The following PRR16 variants were observed in gnomAD, a reference collection of about 807,000 sequenced individuals.
The protein encoded by PRR16 is protein Largen.
A neutral mutation model predicts 18.2 loss-of-function variants in PRR16; 6 were observed. The ratio of observed to expected loss-of-function variants is 0.33; its 90% CI spans 0.18 to 0.65. PRR16 has a LOEUF of 0.65. Ranked by LOEUF, PRR16 falls within the 30% of genes least tolerant of loss-of-function variation. The probability of loss-of-function intolerance (pLI) is 0.74; values close to 1 mark genes in which losing one functional copy is unlikely to be tolerated. For missense variants in PRR16, 412 were observed against 376.6 expected, an observed-to-expected ratio of 1.09 and a Z score of -0.78; for synonymous variants, 151 against 147.8, an observed-to-expected ratio of 1.02 and a Z score of -0.16.
At chr5:120,699,111 T>C in the PRR16 span, among the ~76,000 whole-genome samples, 3 of 151,720 alleles carry the variant, frequency 2.0e-5, no homozygotes, top group African/African-American at 7.3e-5. Flanking sequence ...CTGCCAGTCC[T>C]GGGTGGGGGC....
downstream of PRR16, among the ~76,000 whole-genome samples, chr5:120,691,222 C>T (rs1359558020): frequency 6.6e-6 from 1 of 152,136 alleles, no homozygotes; most frequent in Non-Finnish European, 1.5e-5. Flanking sequence ...TCCACAATAT[C>T]GCCACTTAAT....
chr5:120,563,012 C>T (rs1227357768), intron 1 of PRR16, among the ~76,000 whole-genome samples: 4 of 152,128 alleles, frequency 2.6e-5, no homozygotes, highest in South Asian at 2.1e-4. Flanking sequence ...TATTAACATC[C>T]CTTTCTTTTA....
chr5:120,555,362 C>T (rs543849561), intron 1 of PRR16, among the ~76,000 whole-genome samples: 6 of 151,948 alleles, frequency 3.9e-5, no homozygotes, highest in Non-Finnish European at 8.8e-5. Context: ...TAATATAAAC[C>T]GTGTGGCTTA....
intron 1 of PRR16, among the ~76,000 whole-genome samples, chr5:120,550,514 G>T (rs1426970093): frequency 1.3e-5 from 2 of 151,996 alleles, no homozygotes; most frequent in Non-Finnish European, 2.9e-5. Context: ...ATTGCCTCTT[G>T]TGTTGATTAA....
In PRR16 at chr5:120,470,532, G is replaced by A. The variant is rs113458505; in HGVS notation, c.159+5887G>A. ...TCTACTTTCTTGAATGATATAGATC[G>A]TAACTATTACACAGATTTGCTATAA... On this transcript the variant is annotated intron_variant, in intron 1 of 1. Transcript: ENST00000407149. Among the ~76,000 whole-genome samples, 351 of 152,028 alleles carry A rather than the reference G, an allele frequency of 2.3e-3. 1 individual carries two copies. The highest frequency in any genetic ancestry group is 7.5e-3 in the African/African-American group (312 of 41,462).
intron 1 of PRR16, among the ~76,000 whole-genome samples, chr5:120,673,125 A>T (rs1336251293): frequency 6.6e-6 from 1 of 152,258 alleles, no homozygotes; most frequent in East Asian, 1.9e-4. Context: ...TAAAAACCTC[A>T]TTTACTAAAA....
At chr5:120,603,715 C>T (rs1580776468) in intron 1 of PRR16, among the ~76,000 whole-genome samples, 1 of 152,122 alleles carries the variant, frequency 6.6e-6, no homozygotes, top group Middle Eastern at 3.4e-3. Context: ...TTCCTCATAA[C>T]ACTGCTTTAG....
the PRR16 span, among the ~76,000 whole-genome samples, chr5:120,765,059 T>TGCTGGAGGCACGTGATA: frequency 6.6e-6 from 1 of 152,040 alleles, no homozygotes; most frequent in Non-Finnish European, 1.5e-5. Context: ...TCCTCTGTCT[T>TGCTGGAGGCACGTGATA]TTGAAACCTG....
At chr5:120,551,257 T>A (rs1752245385) in intron 1 of PRR16, among the ~76,000 whole-genome samples, 1 of 152,030 alleles carries the variant, frequency 6.6e-6, no homozygotes, top group Non-Finnish European at 1.5e-5. Flanking sequence ...AATAAGATCA[T>A]GCTGTATTTG....
At chr5:120,693,667 T>C in the PRR16 span, among the ~76,000 whole-genome samples, 2 of 151,804 alleles carry the variant, frequency 1.3e-5, no homozygotes, top group Non-Finnish European at 2.9e-5. Flanking sequence ...AGGAAATTAC[T>C]ATTTACTCAA....
In PRR16 at chr5:120,529,047, C is replaced by T. The variant is rs543023655; in HGVS notation, c.159+64402C>T. 7.9e-5 allele frequency among the ~76,000 whole-genome samples: 12 copies of T among 152,090 alleles called. No individual in the cohort carries two copies. In the South Asian group the frequency reaches 2.3e-3, roughly 29 times the overall value. ...TTTTATGATTCAATTTTTGTCTCCT[C>T]CCTGAAAAACAAACTTAATCTCAAC... On this transcript the variant is annotated intron_variant, in intron 1 of 1. Transcript: ENST00000407149.
chr5:120,574,695 A>G (rs1753018454), intron 1 of PRR16, among the ~76,000 whole-genome samples: 1 of 149,224 alleles, frequency 6.7e-6, no homozygotes, highest in African/African-American at 2.6e-5. Flanking sequence ...GAGAAATGCA[A>G]ATTAAAACCA....
chr5:120,530,371 G>C (rs1404304714), intron 1 of PRR16, among the ~76,000 whole-genome samples: 1 of 149,044 alleles, frequency 6.7e-6, no homozygotes. Flanking sequence ...GGAGTAAGCT[G>C]TCAGTATACA....
chr5:120,751,638 A>G, the PRR16 span, among the ~76,000 whole-genome samples: 1 of 152,144 alleles, frequency 6.6e-6, no homozygotes, highest in Non-Finnish European at 1.5e-5. Context: ...GAAATATAAT[A>G]AGTAAAATAT....
chr5:120,635,635 A>G (rs1217488465), intron 1 of PRR16, among the ~76,000 whole-genome samples: 3 of 152,186 alleles, frequency 2.0e-5, no homozygotes, highest in African/African-American at 7.2e-5. Flanking sequence ...AGTAAAAACC[A>G]TCTATGATAA....
At position 120,603,551 on chromosome 5, in the gene PRR16, A is replaced by G. The variant is rs544150587; in HGVS notation, c.160-82403A>G. On this transcript the variant is annotated intron_variant, in intron 1 of 1. Coordinates refer to ENST00000407149, the MANE Select transcript of PRR16 (RefSeq NM_001300783.2). ...CTGTTATGTGGATATTCTTGTCTCA[A>G]TTTTATTCATTTCAGATCTGATTTT... Among the ~76,000 whole-genome samples, 3 of 151,880 alleles carry G rather than the reference A, an allele frequency of 2.0e-5. No individual in the cohort carries two copies. The East Asian group carries it at 5.8e-4, about 30-fold the overall frequency.
At chr5:120,793,096 G>A in the PRR16 span, among the ~76,000 whole-genome samples, 10 of 152,240 alleles carry the variant, frequency 6.6e-5, no homozygotes, top group Non-Finnish European at 8.8e-5. Context: ...AGTTTGCAGC[G>A]AACCAAGATT....
chr5:120,663,268 T>A (rs1186340042), intron 1 of PRR16, among the ~76,000 whole-genome samples: 1 of 152,118 alleles, frequency 6.6e-6, no homozygotes, highest in East Asian at 1.9e-4. Flanking sequence ...CCTTCTTAGT[T>A]TTTTTGGTTT....
chr5:120,620,721 A>G (rs1754660434), intron 1 of PRR16, among the ~76,000 whole-genome samples: 1 of 151,790 alleles, frequency 6.6e-6, no homozygotes, highest in Admixed American at 6.6e-5. Flanking sequence ...GGGTCCCAAT[A>G]CTCAGAGCAA....
Sources: allele counts gnomAD v4.1 joint callset (sites outside exome capture counted in the v4.1 genomes callset), GRCh38; gene constraint gnomAD v4.1.1; transcripts MANE v1.5; gene names NCBI Gene and HGNC (gene_info 2026-07-23, HGNC 2026-07-21).